MARCHF1: variants seen among roughly 807,000 people sequenced by gnomAD.
MARCHF1 encodes E3 ubiquitin-protein ligase MARCHF1.
A neutral mutation model predicts 54.2 loss-of-function variants in MARCHF1; 40 were observed. The ratio of observed to expected loss-of-function variants is 0.74; its 90% CI spans 0.57 to 0.96. The LOEUF is 0.96. Among genes scored for constraint, MARCHF1 ranks in the 40% least tolerant of loss-of-function variants. MARCHF1 has a pLI of 0.00. For missense variants in MARCHF1, 586 were observed against 656.5 expected (o/e 0.89, Z 1.17); for synonymous variants, 236 against 236.3 (o/e 1.00, Z 0.01).
At chr4:164,094,464 G>A (rs1203938577) in intron 2 of MARCHF1, among the ~76,000 whole-genome samples, 1 of 152,144 alleles carries the variant, frequency 6.6e-6, no homozygotes, top group Non-Finnish European at 1.5e-5. Context: ...AACAGAGTAA[G>A]ATTTGAGCAG....
chr4:163,665,379 C>T (rs1743496289), intron 5 of MARCHF1, among the ~76,000 whole-genome samples: 1 of 152,066 alleles, frequency 6.6e-6, no homozygotes, highest in African/African-American at 2.4e-5. Flanking sequence ...TAGCTATGGC[C>T]TACAAGTTCA....
intron 5 of MARCHF1, among the ~76,000 whole-genome samples, chr4:163,664,138 A>G (rs139022485): frequency 1.3e-5 from 2 of 152,270 alleles, no homozygotes; most frequent in African/African-American, 4.8e-5. Flanking sequence ...TTAAGAAACA[A>G]ACAGGAAGAA....
intron 1 of MARCHF1, among the ~76,000 whole-genome samples, chr4:164,172,898 G>T (rs940533274): frequency 6.6e-6 from 1 of 150,756 alleles, no homozygotes; most frequent in Non-Finnish European, 1.5e-5. Flanking sequence ...GGAGAATGGC[G>T]TGAACCCGCA....
At position 163,745,634 on chromosome 4, in the gene MARCHF1, T is replaced by C. The variant is rs557144867; in HGVS notation, c.112-44771A>G. 4.3e-4 allele frequency among the ~76,000 whole-genome samples: 66 copies of C among 152,252 alleles called. 1 individual carries two copies. In the South Asian group the frequency reaches 8.5e-3, roughly 20 times the overall value. On this transcript the variant is annotated intron_variant, in intron 4 of 9. Coordinates refer to ENST00000514618, the MANE Select transcript of MARCHF1 (RefSeq NM_001394959.1). ...CCTTTTACCCTCAAACAATAAAACA[T>C]CTAATCAAAATTTACATTCTCCAAT...
intron 5 of MARCHF1, among the ~76,000 whole-genome samples, chr4:163,672,269 T>A (rs1409015501): frequency 1.3e-5 from 2 of 152,206 alleles, no homozygotes; most frequent in Non-Finnish European, 2.9e-5. Flanking sequence ...TTTATTTTAA[T>A]TTTTTATTTG....
chr4:163,971,496 AG>A (rs1752546079), intron 3 of MARCHF1, among the ~76,000 whole-genome samples: 1 of 152,192 alleles, frequency 6.6e-6, no homozygotes, highest in African/African-American at 2.4e-5. Context: ...TTTGCTAGTC[AG>A]GTTAGTTCTA....
chr4:163,615,760 A>G (rs570058479), intron 5 of MARCHF1, among the ~76,000 whole-genome samples: 14 of 152,278 alleles, frequency 9.2e-5, no homozygotes, highest in Admixed American at 7.8e-4. Flanking sequence ...AAAGAGCCCA[A>G]ATAACCAAAG....
At chr4:163,590,128 G>GT (rs1456287123) in intron 7 of MARCHF1, among the ~76,000 whole-genome samples, 52 of 150,678 alleles carry the variant, frequency 3.5e-4, no homozygotes, top group Non-Finnish European at 6.6e-4. Flanking sequence ...AAAAGTAGGG[G>GT]TCTTTTTTGG....
At chr4:163,695,638 C>T (rs1341285952) in intron 5 of MARCHF1, among the ~76,000 whole-genome samples, 1 of 152,064 alleles carries the variant, frequency 6.6e-6, no homozygotes, top group Non-Finnish European at 1.5e-5. Context: ...TTCTCATAAA[C>T]AGATTAGATT....
At chr4:163,654,692 C>G (rs1036787974) in intron 5 of MARCHF1, among the ~76,000 whole-genome samples, 1 of 151,490 alleles carries the variant, frequency 6.6e-6, no homozygotes, top group Non-Finnish European at 1.5e-5. Context: ...CATTTATTGG[C>G]CTGTTATTTA....
At chr4:164,065,259 A>C (rs1035465126) in intron 2 of MARCHF1, among the ~76,000 whole-genome samples, 1 of 152,184 alleles carries the variant, frequency 6.6e-6, no homozygotes, top group Non-Finnish European at 1.5e-5. Flanking sequence ...GGTAGGATTC[A>C]GCTATGAATC....
At chr4:163,824,971 C>A (rs1748806555) in intron 4 of MARCHF1, among the ~76,000 whole-genome samples, 1 of 150,498 alleles carries the variant, frequency 6.6e-6, no homozygotes, top group Non-Finnish European at 1.5e-5. Flanking sequence ...GAATGGCAAT[C>A]ATTCAAAAGT....
intron 1 of MARCHF1, among the ~76,000 whole-genome samples, chr4:164,153,977 C>G (rs1010898386): frequency 9.2e-5 from 14 of 152,136 alleles, no homozygotes; most frequent in Non-Finnish European, 1.6e-4. Context: ...TGTCATTGCT[C>G]TATTAACCTG....
At chr4:163,681,942 G>C (rs1361441354) in intron 5 of MARCHF1, among the ~76,000 whole-genome samples, 1 of 152,202 alleles carries the variant, frequency 6.6e-6, no homozygotes, top group African/African-American at 2.4e-5. Context: ...ATGTGGGAAA[G>C]TTTGGAACTT....
At chr4:163,946,390 A>G (rs975219114) in intron 3 of MARCHF1, among the ~76,000 whole-genome samples, 3 of 151,072 alleles carry the variant, frequency 2.0e-5, no homozygotes, top group Non-Finnish European at 4.4e-5. Context: ...ATCCCATACT[A>G]TCATCTCTCT....
At chr4:163,573,747 A>G (rs1362986283) in intron 8 of MARCHF1, among the ~76,000 whole-genome samples, 1 of 152,018 alleles carries the variant, frequency 6.6e-6, no homozygotes, top group African/African-American at 2.4e-5. Flanking sequence ...AGTCTTTGCT[A>G]TTGTGAATAG....
chr4:164,123,375 A>AGGT (rs1756111832), intron 1 of MARCHF1, among the ~76,000 whole-genome samples: 1 of 152,150 alleles, frequency 6.6e-6, no homozygotes, highest in Non-Finnish European at 1.5e-5. Flanking sequence ...TAAAATACCC[A>AGGT]TACTACCGAA....
At chr4:163,782,666 C>A (rs1747500009) in intron 4 of MARCHF1, among the ~76,000 whole-genome samples, 2 of 61,828 alleles carry the variant, frequency 3.2e-5, no homozygotes, top group East Asian at 3.6e-4. Context: ...GAGACTCCAT[C>A]TCCAAAAAAA....
chr4:164,066,344 G>A (rs1754729530), intron 2 of MARCHF1, among the ~76,000 whole-genome samples: 1 of 152,128 alleles, frequency 6.6e-6, no homozygotes, highest in Admixed American at 6.5e-5. Context: ...AGTCAGAGTG[G>A]TTACTATTAA....
Sources: allele counts gnomAD v4.1 joint callset (sites outside exome capture counted in the v4.1 genomes callset), GRCh38; gene constraint gnomAD v4.1.1; transcripts MANE v1.5; gene names NCBI Gene and HGNC (gene_info 2026-07-23, HGNC 2026-07-21).